NELL1: variants seen among roughly 807,000 people sequenced by gnomAD.
NELL1 encodes protein kinase C-binding protein NELL1.
Under a neutral mutation model 107.4 loss-of-function variants are expected in NELL1, and 76 were observed. That is an observed-to-expected ratio of 0.71 (90% CI 0.59 to 0.86). The LOEUF is 0.86. Among genes scored for constraint, NELL1 ranks in the 40% least tolerant of loss-of-function variants. The pLI is 0.00. For missense variants in NELL1, 1,024 were observed against 1,005.5 expected (o/e 1.02, Z -0.25); for synonymous variants, 353 against 341.2 (o/e 1.03, Z -0.38).
At chr11:21,341,563 G>A (rs1850566469) in intron 14 of NELL1, among the ~76,000 whole-genome samples, 1 of 152,136 alleles carries the variant, frequency 6.6e-6, no homozygotes, top group African/African-American at 2.4e-5. Flanking sequence ...TTAATCGGGA[G>A]TGAATTGATA....
At chr11:21,123,334 CGTGTGT>C (rs142012176) in intron 13 of NELL1, among the ~76,000 whole-genome samples, 23,563 of 132,322 alleles carry the variant, frequency 0.18, 1,890 homozygotes, top group Non-Finnish European at 0.19. Context: ...TGTGTGCCTG[CGTGTGT>C]GTGTGTGTGT....
chr11:21,201,492 G>T lies in NELL1; in HGVS notation c.1427-27840G>T, dbSNP rs557080959. ...CATTGATTTTATATTCTGAGACTTT[G>T]CAGAAGTTGTTTATCAGCTTAAGGA... On this transcript the variant is annotated intron_variant, in intron 13 of 19. Transcript: ENST00000357134. 2.6e-5 allele frequency among the ~76,000 whole-genome samples: 4 copies of T among 152,324 alleles called. No homozygotes were observed. The East Asian group carries it at 7.7e-4, about 29-fold the overall frequency.
At chr11:21,435,136 C>T (rs1487688592) in intron 15 of NELL1, among the ~76,000 whole-genome samples, 3 of 151,898 alleles carry the variant, frequency 2.0e-5, no homozygotes, top group Non-Finnish European at 2.9e-5. Context: ...AGAGGGAATT[C>T]TGCTTTTCCA....
At chr11:21,310,115 A>T (rs1366832642) in intron 14 of NELL1, among the ~76,000 whole-genome samples, 1 of 152,098 alleles carries the variant, frequency 6.6e-6, no homozygotes, top group Non-Finnish European at 1.5e-5. Context: ...GAAAACAGCT[A>T]TTTAATTTAA....
At chr11:21,152,922 C>G (rs2133789156) in intron 13 of NELL1, among the ~76,000 whole-genome samples, 1 of 152,250 alleles carries the variant, frequency 6.6e-6, no homozygotes, top group East Asian at 1.9e-4. Flanking sequence ...TTTACATTGA[C>G]TTTCTCACAG....
chr11:20,931,171 A>C (rs1239226591), intron 9 of NELL1, among the ~76,000 whole-genome samples: 2 of 152,064 alleles, frequency 1.3e-5, no homozygotes, highest in Non-Finnish European at 2.9e-5. Context: ...CTGTAAGTGC[A>C]CTAACATTAG....
intron 13 of NELL1, among the ~76,000 whole-genome samples, chr11:21,209,378 T>A (rs1350331038): frequency 6.7e-6 from 1 of 149,700 alleles, no homozygotes; most frequent in Admixed American, 6.7e-5. Flanking sequence ...TACCCCCATA[T>A]TACTATCAAA....
At chr11:21,335,695 C>G (rs556659942) in intron 14 of NELL1, among the ~76,000 whole-genome samples, 7 of 152,174 alleles carry the variant, frequency 4.6e-5, no homozygotes, top group African/African-American at 1.7e-4. Context: ...TTTCCCCACC[C>G]TCTAAAAACG....
intron 12 of NELL1, among the ~76,000 whole-genome samples, chr11:21,044,812 G>T (rs1380173985): frequency 6.6e-6 from 1 of 152,096 alleles, no homozygotes; most frequent in African/African-American, 2.4e-5. Context: ...ATTATCAAAT[G>T]AGAGCTGTAA....
intron 3 of NELL1, among the ~76,000 whole-genome samples, chr11:20,836,255 T>C (rs572752940): frequency 6.8e-6 from 1 of 146,478 alleles, no homozygotes; most frequent in East Asian, 2.0e-4. Context: ...ACACACCAAT[T>C]AGAATGGGTA....
chr11:21,149,071 G>A (rs1856052128), intron 13 of NELL1, among the ~76,000 whole-genome samples: 2 of 152,096 alleles, frequency 1.3e-5, no homozygotes, highest in African/African-American at 2.4e-5. Flanking sequence ...TTTAACTTTA[G>A]TTTTATTTAT....
intron 3 of NELL1, among the ~76,000 whole-genome samples, chr11:20,833,948 T>C (rs1235338691): frequency 6.6e-6 from 1 of 152,224 alleles, no homozygotes; most frequent in African/African-American, 2.4e-5. Context: ...CTGAAGCGCA[T>C]GCCTAAGACT....
chr11:20,937,170 T>A (rs1850743954), intron 9 of NELL1, among the ~76,000 whole-genome samples: 1 of 152,248 alleles, frequency 6.6e-6, no homozygotes, highest in Non-Finnish European at 1.5e-5. Flanking sequence ...TTTATGTTTC[T>A]CTTTGAAATT....
At chr11:20,912,811 A>G (rs1564963487) in intron 5 of NELL1, among the ~76,000 whole-genome samples, 1 of 152,144 alleles carries the variant, frequency 6.6e-6, no homozygotes, top group Non-Finnish European at 1.5e-5. Context: ...GATGGTAAAC[A>G]TATGTTTATA....
chr11:21,260,958 G>C (rs1180325301), intron 14 of NELL1, among the ~76,000 whole-genome samples: 1 of 151,736 alleles, frequency 6.6e-6, no homozygotes, highest in Non-Finnish European at 1.5e-5. Flanking sequence ...AGGGAGGTTA[G>C]AATATTAAGG....
At chr11:20,786,032 A>G (rs1191701920) in intron 3 of NELL1, among the ~76,000 whole-genome samples, 2 of 117,658 alleles carry the variant, frequency 1.7e-5, no homozygotes, top group African/African-American at 2.9e-5. Context: ...GAAAAACTTC[A>G]GAATTTTTTT....
chr11:21,277,997 A>T (rs1019668058), intron 14 of NELL1, among the ~76,000 whole-genome samples: 1 of 152,196 alleles, frequency 6.6e-6, no homozygotes, highest in African/African-American at 2.4e-5. Context: ...ATGTATGCAT[A>T]TGTAACTAAC....
intron 13 of NELL1, among the ~76,000 whole-genome samples, chr11:21,200,202 A>T (rs910225927): frequency 4.6e-5 from 7 of 152,066 alleles, no homozygotes; most frequent in Non-Finnish European, 5.9e-5. Flanking sequence ...CTAGTTCTAG[A>T]TCCTTGAGGA....
At chr11:21,226,158 G>A (rs10766776) in intron 13 of NELL1, among the ~76,000 whole-genome samples, 107,822 of 152,068 alleles carry the variant, frequency 0.71, 38,282 homozygotes, top group South Asian at 0.77. Context: ...AGTTTTGAAG[G>A]TGCTGGTCAT....
Sources: allele counts gnomAD v4.1 joint callset (sites outside exome capture counted in the v4.1 genomes callset), GRCh38; gene constraint gnomAD v4.1.1; transcripts MANE v1.5; gene names NCBI Gene and HGNC (gene_info 2026-07-23, HGNC 2026-07-21).